PTPN9: variants seen among roughly 807,000 people sequenced by gnomAD.
PTPN9 encodes protein tyrosine phosphatase non-receptor type 9, also known as tyrosine-protein phosphatase non-receptor type 9.
A neutral mutation model predicts 69.8 loss-of-function variants in PTPN9; 26 were observed. The observed-to-expected ratio is 0.37, with a 90% CI of 0.27 to 0.52. The LOEUF is 0.52. Among genes scored for constraint, PTPN9 ranks in the 20% least tolerant of loss-of-function variants. The pLI is 0.91. For missense variants in PTPN9, 549 were observed against 740.3 expected, an observed-to-expected ratio of 0.74 and a Z score of 3.00; for synonymous variants, 274 against 272.5, an observed-to-expected ratio of 1.01 and a Z score of -0.05.
chr15:75,503,598 G>A (rs1595954881), intron 7 of PTPN9, among the ~76,000 whole-genome samples: 1 of 45,986 alleles, frequency 2.2e-5, no homozygotes. Context: ...GGAGGTGGGG[G>A]GGTCAGCCCC....
intron 9 of PTPN9, among the ~76,000 whole-genome samples, chr15:75,477,686 A>G (rs2074603766): frequency 6.6e-6 from 1 of 152,110 alleles, no homozygotes; most frequent in African/African-American, 2.4e-5. Flanking sequence ...TAGGAAAACA[A>G]GGACCTCCTC....
At chr15:75,479,395 G>A (rs945011194) in intron 9 of PTPN9, among the ~76,000 whole-genome samples, 22 of 152,164 alleles carry the variant, frequency 1.4e-4, no homozygotes, top group Non-Finnish European at 3.2e-4. Context: ...CAGAACATTT[G>A]CTGGAGTGCT....
intron 8 of PTPN9, among the ~76,000 whole-genome samples, chr15:75,482,081 AC>A (rs2074640026): frequency 1.3e-5 from 2 of 150,728 alleles, no homozygotes; most frequent in Non-Finnish European, 3.0e-5. Context: ...AAAGAAGTAG[AC>A]ATGGGAGACT....
At chr15:75,561,003 A>G (rs1025210500) in intron 1 of PTPN9, among the ~76,000 whole-genome samples, 3 of 144,152 alleles carry the variant, frequency 2.1e-5, no homozygotes, top group Non-Finnish European at 4.5e-5. Context: ...TGGGTGACAG[A>G]GTGAGAGTAA....
chr15:75,514,198 G>GTTTTTT, intron 5 of PTPN9, among the ~76,000 whole-genome samples: 1 of 149,652 alleles, frequency 6.7e-6, no homozygotes, highest in African/African-American at 2.5e-5. Context: ...GGATTTCTCA[G>GTTTTTT]GAATGATTTC....
At chr15:75,576,663 C>T (rs2075175133) in intron 1 of PTPN9, among the ~76,000 whole-genome samples, 2 of 151,770 alleles carry the variant, frequency 1.3e-5, no homozygotes, top group Non-Finnish European at 2.9e-5. Context: ...CAAAAATTAG[C>T]TGGGCATGGT....
chr15:75,554,232 T>C (rs1405769320), intron 1 of PTPN9, among the ~76,000 whole-genome samples: 1 of 150,942 alleles, frequency 6.6e-6, no homozygotes, highest in African/African-American at 2.4e-5. Flanking sequence ...TTCGCTCTTA[T>C]TGCCCAGGCT....
intron 1 of PTPN9, among the ~76,000 whole-genome samples, chr15:75,530,048 A>G (rs2074947719): frequency 6.6e-6 from 1 of 151,782 alleles, no homozygotes; most frequent in Non-Finnish European, 1.5e-5. Context: ...CTAAAAATAC[A>G]AAAATTAGCT....
intron 7 of PTPN9, among the ~76,000 whole-genome samples, chr15:75,500,608 T>C (rs556956678): frequency 6.6e-6 from 1 of 152,070 alleles, no homozygotes; most frequent in Non-Finnish European, 1.5e-5. Flanking sequence ...ACAGGGAGTC[T>C]GGTAGTTGGG....
intron 1 of PTPN9, among the ~76,000 whole-genome samples, chr15:75,554,252 T>C (rs2075067668): frequency 6.6e-6 from 1 of 150,596 alleles, no homozygotes; most frequent in South Asian, 2.1e-4. Context: ...TGGAGTGCAA[T>C]GGTGCAATCT....
In PTPN9 at chr15:75,479,932, AC is replaced by A. The variant is rs750593774; in HGVS notation, c.1063-19del. ...TAATCTGTCTAATGATAAAAAGGAG[AC>A]ATCACTATAGCTACACAGAATACAC... On this transcript the variant is annotated intron_variant, in intron 8 of 12. Transcript: ENST00000618819. 4 of 1,554,846 alleles carry A rather than the reference AC, an allele frequency of 2.6e-6. No homozygotes were observed. Among genetic ancestry groups the A allele is most frequent in the Non-Finnish European group, 2.6e-6 (3 of 1,132,512 alleles).
intron 1 of PTPN9, among the ~76,000 whole-genome samples, chr15:75,528,032 C>T (rs1389481617): frequency 6.6e-6 from 1 of 152,080 alleles, no homozygotes; most frequent in East Asian, 1.9e-4. Flanking sequence ...AATTTGAGGC[C>T]AGTAAAATTA....
intron 1 of PTPN9, among the ~76,000 whole-genome samples, chr15:75,557,083 A>C (rs1837908046): frequency 6.6e-6 from 1 of 152,152 alleles, no homozygotes; most frequent in Non-Finnish European, 1.5e-5. Flanking sequence ...CATTTTGTTT[A>C]TTCTTCTGTT....
intron 8 of PTPN9, among the ~76,000 whole-genome samples, chr15:75,483,016 T>C (rs1157783926): frequency 6.6e-6 from 1 of 151,976 alleles, no homozygotes; most frequent in Non-Finnish European, 1.5e-5. Flanking sequence ...TACCACGAGA[T>C]ACTAATTTAT....
chr15:75,468,594 TCAC>T lies in PTPN9; in HGVS notation c.*172_*174del. On this transcript the variant is annotated 3_prime_UTR_variant, in exon 13 of 13. Coordinates refer to ENST00000618819, the MANE Select transcript of PTPN9 (RefSeq NM_002833.4). ...CTACTGGCCCTTTCTAGTGGCAATT[TCAC>T]CACATTTATCTAGCCAAAGGGAAAG... The T allele has an allele frequency of 1.8e-6, 1 of 570,814 alleles. No individual in the cohort carries two copies. Among genetic ancestry groups the T allele is most frequent in the Non-Finnish European group, 3.2e-6 (1 of 317,030 alleles). 35.4% of individuals were successfully genotyped at this position (570,814 alleles called of 1,614,324 possible).
At position 75,515,345 on chromosome 15, in the gene PTPN9, T is replaced by C. The variant is rs112060394; in HGVS notation, c.528+1914A>G. Among the ~76,000 whole-genome samples, 6 of 143,200 alleles carry C rather than the reference T, an allele frequency of 4.2e-5. No homozygotes were observed. In the East Asian group the frequency reaches 1.0e-3, roughly 24 times the overall value. 93.9% of individuals were successfully genotyped at this position (143,200 alleles called of 152,430 possible). ...TGGAGGCTGAGGCAGGAGAACGGCG[T>C]GAACCTGGGAGGCGGAGCTTGCAGT... On this transcript the variant is annotated intron_variant, in intron 5 of 12. Transcript: ENST00000618819.
At chr15:75,576,163 CAG>C (rs2075172168) in intron 1 of PTPN9, among the ~76,000 whole-genome samples, 1 of 149,014 alleles carries the variant, frequency 6.7e-6, no homozygotes, top group Non-Finnish European at 1.5e-5. Flanking sequence ...ATCAGGGAGG[CAG>C]AGTTTGCAGT....
intron 8 of PTPN9, 62 bp downstream of exon 8, chr15:75,490,146 T>C: frequency 1.5e-6 from 2 of 1,293,516 alleles, no homozygotes; most frequent in East Asian, 4.6e-5. Context: ...TTAGTAAGCT[T>C]CACTTTGGAA....
chr15:75,471,385 G>A (rs1223454651), intron 10 of PTPN9, among the ~76,000 whole-genome samples: 1 of 152,152 alleles, frequency 6.6e-6, no homozygotes, highest in Non-Finnish European at 1.5e-5. Flanking sequence ...TTAGCAGGAG[G>A]TTTGTGTAAA....
Sources: allele counts gnomAD v4.1 joint callset (sites outside exome capture counted in the v4.1 genomes callset), GRCh38; gene constraint gnomAD v4.1.1; transcripts MANE v1.5; gene names NCBI Gene and HGNC (gene_info 2026-07-23, HGNC 2026-07-21).